Variants in LHFPL1 observed in about 807,000 individuals in gnomAD.
LHFPL1 encodes LHFPL tetraspan subfamily member 1 protein.
A neutral mutation model predicts 12.1 loss-of-function variants in LHFPL1; 4 were observed. The observed-to-expected ratio is 0.33, with a 90% CI of 0.16 to 0.76. The LOEUF (loss-of-function observed/expected upper bound fraction) is 0.76. Ranked by LOEUF, LHFPL1 falls within the 30% of genes least tolerant of loss-of-function variation. The pLI, the probability that LHFPL1 is intolerant of heterozygous loss-of-function variation, is 0.61. For missense variants in LHFPL1, 141 were observed against 174.1 expected, an observed-to-expected ratio of 0.81 and a Z score of 1.07; for synonymous variants, 52 against 61.9, an observed-to-expected ratio of 0.84 and a Z score of 0.75.
intron 3 of LHFPL1, among the ~76,000 whole-genome samples, chrX:112,644,759 C>T (rs1225564592): frequency 8.9e-6 from 1 of 112,178 alleles, no homozygotes; most frequent in East Asian, 2.8e-4. Flanking sequence ...GTTTCTACCA[C>T]ACTTTGATGC....
chrX:112,670,563 G>C (rs892411663), intron 2 of LHFPL1, among the ~76,000 whole-genome samples: 5 of 112,466 alleles, frequency 4.4e-5, no homozygotes, highest in Admixed American at 2.8e-4. Context: ...TTTCTTTGAT[G>C]AGAACTGTTA....
intron 3 of LHFPL1, among the ~76,000 whole-genome samples, chrX:112,643,836 T>C (rs1157666322): frequency 8.9e-6 from 1 of 111,950 alleles, no homozygotes; most frequent in African/African-American, 3.3e-5. Context: ...ACACTGAGCA[T>C]GCCAAGCACT....
At chrX:112,640,728 T>C (rs960028055) in intron 3 of LHFPL1, among the ~76,000 whole-genome samples, 2 of 111,253 alleles carry the variant, frequency 1.8e-5, no homozygotes, top group African/African-American at 6.6e-5. Context: ...TTGTGTGTCT[T>C]AGCGTAACAA....
intron 3 of LHFPL1, among the ~76,000 whole-genome samples, chrX:112,646,324 A>G (rs1930684409): frequency 1.4e-5 from 1 of 69,197 alleles, no homozygotes; most frequent in Non-Finnish European, 2.5e-5. Flanking sequence ...AATGGAAGGA[A>G]GGAGGTCAAA....
chrX:112,669,712 C>G (rs1402215814), intron 2 of LHFPL1, among the ~76,000 whole-genome samples: 1 of 111,998 alleles, frequency 8.9e-6, no homozygotes, highest in Non-Finnish European at 1.9e-5. Flanking sequence ...TGAGTGTTGT[C>G]CTCATCTTGT....
In LHFPL1 at chrX:112,660,713, C is replaced by A; in HGVS notation, c.395G>T (p.Ser132Ile). ...TAAAGGGTATAAGGCACAGCCTGAG[C>A]TTATCAGCAGCCCTAGAAAGAAAGC... is the stretch of plus-strand genomic sequence containing the variant. ...AAQFVGGLLI[S>I]SGCALYPLGW... is the part of the protein sequence containing the mutation. The change falls in exon 3 of 4, where the codon AGC (serine) becomes ATC (isoleucine). Residue 132 changes from serine (S) to isoleucine (I), a missense_variant. Physicochemically the swap from Ser to Ile is moderately radical, Grantham distance 142. Transcript: ENST00000371968. 2 of 1,194,615 alleles carry A rather than the reference C, an allele frequency of 1.7e-6. No individual in the cohort carries two copies. The highest frequency in any genetic ancestry group is 2.3e-4 in the Middle Eastern group (1 of 4,307).
intron 2 of LHFPL1, among the ~76,000 whole-genome samples, chrX:112,668,227 G>A (rs1175098517): frequency 8.9e-6 from 1 of 112,136 alleles, no homozygotes; most frequent in Non-Finnish European, 1.9e-5. Flanking sequence ...CACTGGCAAA[G>A]CCTGTCTCAG....
In LHFPL1 at chrX:112,660,688, T is replaced by G. The variant is rs963147944; in HGVS notation, c.420A>C (p.Leu140Phe). The G allele has an allele frequency of 8.3e-7, 1 of 1,207,588 alleles. No individual in the cohort carries two copies. The highest frequency in any genetic ancestry group is 1.7e-5 in the African/African-American group (1 of 57,192). ...GCATTATCTCCGGGCTATTCCATCC[T>G]AAAGGGTATAAGGCACAGCCTGAGC... The part of the protein sequence containing the change: ...LISSGCALYP[L>F]GWNSPEIMQT... The change falls in exon 3 of 4, where the codon TTA (leucine) becomes TTC (phenylalanine). Residue 140 changes from leucine (L) to phenylalanine (F), a missense_variant. By Grantham distance (22) the Leu-to-Phe change is conservative. Coordinates refer to ENST00000371968, the MANE Select transcript of LHFPL1 (RefSeq NM_178175.4).
intron 2 of LHFPL1, 117 bp from the exon 3 acceptor site, chrX:112,660,842 C>A (rs768050611): frequency 5.9e-5 from 30 of 505,874 alleles, no homozygotes; most frequent in African/African-American, 4.9e-4. Flanking sequence ...ACACTTCCCC[C>A]TTTACCCTAA....
chrX:112,644,002 T>TACCCCCCC (rs1930609396), intron 3 of LHFPL1, among the ~76,000 whole-genome samples: 1 of 112,235 alleles, frequency 8.9e-6, no homozygotes. Flanking sequence ...AACTGACTGA[T>TACCCCCCC]TCCCCCACTG....
At chrX:112,655,471 G>C (rs765110035) in intron 3 of LHFPL1, among the ~76,000 whole-genome samples, 1 of 112,213 alleles carries the variant, frequency 8.9e-6, no homozygotes, top group African/African-American at 3.2e-5. Flanking sequence ...AGAAAAGATA[G>C]GTTGAAGACA....
intron 3 of LHFPL1, among the ~76,000 whole-genome samples, chrX:112,646,651 G>C (rs1286483102): frequency 9.1e-6 from 1 of 110,178 alleles, no homozygotes; most frequent in Non-Finnish European, 1.9e-5. Flanking sequence ...CATTCCAATG[G>C]GGATCTCTTT....
At chrX:112,655,351 T>C (rs748435941) in intron 3 of LHFPL1, among the ~76,000 whole-genome samples, 9 of 112,173 alleles carry the variant, frequency 8.0e-5, no homozygotes, top group Non-Finnish European at 1.5e-4. Flanking sequence ...CTATCTTTAA[T>C]CCAATGCAGA....
chrX:112,672,088 T>TTGTC (rs1205142122), intron 1 of LHFPL1, among the ~76,000 whole-genome samples: 1 of 111,749 alleles, frequency 8.9e-6, no homozygotes, highest in Non-Finnish European at 1.9e-5. Flanking sequence ...TACCCTATAC[T>TTGTC]TGTCACTGAG....
chrX:112,658,581 A>T (rs1569365098), intron 3 of LHFPL1, among the ~76,000 whole-genome samples: 1 of 111,724 alleles, frequency 9.0e-6, no homozygotes, highest in Non-Finnish European at 1.9e-5. Context: ...AAACCACAAT[A>T]AGATAGCACT....
intron 1 of LHFPL1, among the ~76,000 whole-genome samples, chrX:112,678,325 G>A (rs1039244365): frequency 1.8e-5 from 2 of 111,451 alleles, no homozygotes; most frequent in Admixed American, 9.5e-5. Flanking sequence ...TAAAAGTGAG[G>A]TACCAATGAG....
At chrX:112,643,319 C>CA (rs1168892573) in intron 3 of LHFPL1, among the ~76,000 whole-genome samples, 2 of 96,542 alleles carry the variant, frequency 2.1e-5, no homozygotes, top group African/African-American at 8.2e-5. Flanking sequence ...TCAGAGGCTG[C>CA]AGTGAGCCGA....
At chrX:112,636,518 G>A (rs1172949101) in intron 3 of LHFPL1, among the ~76,000 whole-genome samples, 1 of 111,467 alleles carries the variant, frequency 9.0e-6, no homozygotes, top group Non-Finnish European at 1.9e-5. Context: ...CCTTAAGAAC[G>A]GCCATGCATG....
At chrX:112,633,773 C>G (rs1355844731) in intron 3 of LHFPL1, among the ~76,000 whole-genome samples, 2 of 112,007 alleles carry the variant, frequency 1.8e-5, no homozygotes, top group African/African-American at 6.5e-5. Context: ...AAAATAGTGC[C>G]TCTGAAGGCT....
Sources: gnomAD v4.1 joint callset for allele counts (sites outside exome capture counted in the v4.1 genomes callset) on GRCh38, gnomAD v4.1.1 for gene constraint, MANE v1.5 for transcripts, NCBI Gene and HGNC (gene_info 2026-07-23, HGNC 2026-07-21) for gene names.